The following CADM2 variants were observed in gnomAD, a reference collection of about 807,000 sequenced individuals.
CADM2 encodes the protein cell adhesion molecule 2.
CADM2 carries 12 observed loss-of-function variants against 49.8 expected under a neutral mutation model. The ratio of observed to expected loss-of-function variants is 0.24; its 90% CI spans 0.15 to 0.39. The LOEUF is 0.39. CADM2 is among the 10% of genes least tolerant of loss of function. The pLI, the probability that CADM2 is intolerant of heterozygous loss-of-function variation, is 1.00. For missense variants in CADM2, 378 were observed against 492.3 expected, an observed-to-expected ratio of 0.77 and a Z score of 2.20; for synonymous variants, 214 against 175.4, an observed-to-expected ratio of 1.22 and a Z score of -1.74.
At chr3:85,732,125 G>A (rs546234334) in intron 2 of CADM2, among the ~76,000 whole-genome samples, 1 of 148,440 alleles carries the variant, frequency 6.7e-6, no homozygotes, top group African/African-American at 2.5e-5. Context: ...ATTGCTGAGC[G>A]TGGCACACGC....
At chr3:86,041,105 C>T (rs187974525) in intron 8 of CADM2, among the ~76,000 whole-genome samples, 7,356 of 152,180 alleles carry the variant, frequency 0.048, 388 homozygotes, top group African/African-American at 0.14. Context: ...AAGGAACAAC[C>T]GGTACCAGCC....
intron 1 of CADM2, among the ~76,000 whole-genome samples, chr3:85,039,672 A>G (rs2035362365): frequency 6.6e-6 from 1 of 152,214 alleles, no homozygotes; most frequent in Non-Finnish European, 1.5e-5. Context: ...AGAAAATTAC[A>G]AAGGCAAGTA....
Position 85,769,557 on chromosome 3 carries a change from A to AG in CADM2, c.89-32490_89-32489insG, listed in dbSNP as rs1559644599. Among the ~76,000 whole-genome samples, 40 of 69,496 alleles carry AG rather than the reference A, an allele frequency of 5.8e-4. 2 individuals are homozygous for AG. Among genetic ancestry groups the AG allele is most frequent in the East Asian group, 2.5e-3 (6 of 2,396 alleles). 45.6% of individuals were successfully genotyped at this position (69,496 alleles called of 152,430 possible). On this transcript the variant is annotated intron_variant, in intron 2 of 9. Transcript: ENST00000383699. ...TATATACACGTATATACATATATGT[A>AG]TATATACACGTATATACATATATAC...
intron 8 of CADM2, among the ~76,000 whole-genome samples, chr3:86,055,005 G>A (rs1330835658): frequency 6.6e-6 from 1 of 152,068 alleles, no homozygotes; most frequent in Admixed American, 6.6e-5. Context: ...CTCCAAGAGA[G>A]AAAGACAGGA....
intron 1 of CADM2, among the ~76,000 whole-genome samples, chr3:85,320,154 G>A (rs2044563937): frequency 6.6e-6 from 1 of 152,170 alleles, no homozygotes; most frequent in Non-Finnish European, 1.5e-5. Flanking sequence ...TTGAGGACCA[G>A]GGTGCTACTG....
intron 5 of CADM2, among the ~76,000 whole-genome samples, chr3:85,908,254 CTTTTTTTTTTTTTTT>C (rs898710165): frequency 1.5e-5 from 1 of 65,776 alleles, no homozygotes; most frequent in Non-Finnish European, 3.1e-5. Context: ...TTTTTTTCTT[CTTTTTTTTTTTTTTT>C]TTTTTCCAGT....
chr3:85,336,036 C>T (rs1390899855), intron 1 of CADM2, among the ~76,000 whole-genome samples: 1 of 151,378 alleles, frequency 6.6e-6, no homozygotes, highest in Non-Finnish European at 1.5e-5. Flanking sequence ...TCCTGTGAAC[C>T]CCCTGCCCAA....
intron 3 of CADM2, among the ~76,000 whole-genome samples, chr3:85,815,702 C>G (rs2073164201): frequency 6.6e-6 from 1 of 152,164 alleles, no homozygotes; most frequent in Non-Finnish European, 1.5e-5. Context: ...AGGTTGGCCT[C>G]TCTCACCACT....
intron 2 of CADM2, among the ~76,000 whole-genome samples, chr3:85,733,940 G>A (rs770305183): frequency 2.2e-4 from 34 of 152,024 alleles, no homozygotes; most frequent in Non-Finnish European, 3.7e-4. Flanking sequence ...CCCAAGATTT[G>A]TGGCTTCTTA....
intron 8 of CADM2, among the ~76,000 whole-genome samples, chr3:86,025,772 C>T (rs543647654): frequency 6.6e-6 from 1 of 152,072 alleles, no homozygotes; most frequent in South Asian, 2.1e-4. Context: ...TTGTTTATTC[C>T]TCTGAAATTT....
At chr3:84,992,110 T>G (rs748011483) in intron 1 of CADM2, among the ~76,000 whole-genome samples, 46 of 152,102 alleles carry the variant, frequency 3.0e-4, no homozygotes, top group Non-Finnish European at 5.1e-4. Context: ...TCATAGCAAG[T>G]ACAACACCAA....
intron 3 of CADM2, among the ~76,000 whole-genome samples, chr3:85,803,674 G>T (rs1288710405): frequency 6.6e-6 from 1 of 152,108 alleles, no homozygotes; most frequent in Non-Finnish European, 1.5e-5. Context: ...GTGTCAGGGA[G>T]AATTTCTTCT....
At chr3:85,961,415 A>G (rs1724802838) in intron 7 of CADM2, 54 bp from the exon 8 acceptor site, 5 of 1,368,240 alleles carry the variant, frequency 3.7e-6, no homozygotes, top group Non-Finnish European at 5.0e-6. Flanking sequence ...CTAAATTTAC[A>G]CATATTTAAC....
chr3:86,070,208 C>A lies in CADM2; in HGVS notation c.*3425C>A, dbSNP rs1347784523. On this transcript the variant is annotated 3_prime_UTR_variant, in exon 10 of 10. Transcript: ENST00000383699. ...TTCCTAAATATGGCAAAGAAACTAA[C>A]ACCTCATTTATTTTTATTTCTTTGT... 2 of 151,870 alleles carry A rather than the reference C, an allele frequency of 1.3e-5. No homozygotes were observed. The highest frequency in any genetic ancestry group is 2.9e-5 in the Non-Finnish European group (2 of 67,840). The allele number at this position is 151,870 out of a possible 1,614,324, so 9.4% of individuals were successfully genotyped here. A position where few individuals can be genotyped will look rare whatever the true frequency, so the allele number is the denominator to read the frequency against.
intron 1 of CADM2, among the ~76,000 whole-genome samples, chr3:85,299,419 A>G (rs1200181643): frequency 6.6e-6 from 1 of 152,132 alleles, no homozygotes; most frequent in East Asian, 1.9e-4. Flanking sequence ...GGATTCCAAA[A>G]TAGAAGGGAA....
chr3:85,003,978 T>C (rs1402406519), intron 1 of CADM2, among the ~76,000 whole-genome samples: 1 of 152,158 alleles, frequency 6.6e-6, no homozygotes, highest in Non-Finnish European at 1.5e-5. Flanking sequence ...AAGTCTCTAG[T>C]AACCCTATTG....
intron 1 of CADM2, among the ~76,000 whole-genome samples, chr3:85,039,641 A>G (rs1027525378): frequency 1.3e-4 from 20 of 152,158 alleles, no homozygotes; most frequent in Admixed American, 9.2e-4. Flanking sequence ...TTTTAGTCCC[A>G]TGTATACTAT....
chr3:85,338,601 T>G (rs759586635), intron 1 of CADM2, among the ~76,000 whole-genome samples: 2 of 151,658 alleles, frequency 1.3e-5, no homozygotes, highest in Non-Finnish European at 3.0e-5. Flanking sequence ...AGTATTTTTC[T>G]TATACAGAAG....
intron 1 of CADM2, among the ~76,000 whole-genome samples, chr3:85,551,879 T>C (rs547750367): frequency 6.6e-6 from 1 of 152,340 alleles, no homozygotes; most frequent in South Asian, 2.1e-4. Context: ...AATTCAATTT[T>C]GTCCTGTTTC....
Sources: allele counts gnomAD v4.1 joint callset (sites outside exome capture counted in the v4.1 genomes callset), GRCh38; gene constraint gnomAD v4.1.1; transcripts MANE v1.5; gene names NCBI Gene and HGNC (gene_info 2026-07-23, HGNC 2026-07-21).